The following EXOC2 variants were observed in gnomAD, a reference collection of about 807,000 sequenced individuals.
The protein encoded by EXOC2 is SEC5-like 1.
A neutral mutation model predicts 131.8 loss-of-function variants in EXOC2; 70 were observed. The observed-to-expected ratio is 0.53, with a 90% CI of 0.44 to 0.65. EXOC2 has a LOEUF of 0.65. Ranked by LOEUF, EXOC2 falls within the 30% of genes least tolerant of loss-of-function variation. The pLI, the probability that EXOC2 is intolerant of heterozygous loss-of-function variation, is 0.00. For synonymous variants in EXOC2, 411 were observed against 398.4 expected (o/e 1.03, Z -0.38); for missense variants, 923 against 1,108.6 (o/e 0.83, Z 2.38).
At position 506,813 on chromosome 6, in the gene EXOC2, G is replaced by A. The variant is rs547218603; in HGVS notation, c.2381-7113C>T. Among the ~76,000 whole-genome samples, 2 of 152,020 alleles carry A rather than the reference G, an allele frequency of 1.3e-5. No individual in the cohort carries two copies. Among genetic ancestry groups the A allele is most frequent in the African/African-American group, 2.4e-5 (1 of 41,364 alleles). ...GTAACCCAGCATATTCTCCAGCAAC[G>A]AAGATCTTGTTTTCATGCATCAAAA... On this transcript the variant is annotated intron_variant, in intron 23 of 27. Transcript: ENST00000230449. This position sits in a 1 kb window ranked among gnomAD's most constrained non-coding sequence, Gnocchi z 4.4.
At chr6:491,626 C>G (rs1174544113) in intron 25 of EXOC2, among the ~76,000 whole-genome samples, 1 of 152,246 alleles carries the variant, frequency 6.6e-6, no homozygotes, top group Non-Finnish European at 1.5e-5. Context: ...AGGCACACTG[C>G]CTTAATCTCA....
At chr6:652,071 AC>A (rs1266313583) in intron 1 of EXOC2, among the ~76,000 whole-genome samples, 2 of 151,808 alleles carry the variant, frequency 1.3e-5, no homozygotes, top group African/African-American at 2.4e-5. Flanking sequence ...AAAAAAAAAA[AC>A]TTCACAAACA....
rs1581637940 is a variant in EXOC2 at position 656,012 on chromosome 6, A to G, written c.-43-18151T>C. ...ACAAAATATACGCCCTGCATAAGTC[A>G]GTGAAGGTCCAAATTTTCAACCCAA... On this transcript the variant is annotated intron_variant, in intron 1 of 27. Coordinates refer to ENST00000230449, the MANE Select transcript of EXOC2 (RefSeq NM_018303.6). 3.5e-6 allele frequency: 3 copies of G among 864,762 alleles called. No homozygotes were observed. The East Asian group carries it at 7.3e-5, about 21-fold the overall frequency. 53.6% of individuals were successfully genotyped at this position (864,762 alleles called of 1,614,324 possible). A position where few individuals can be genotyped will look rare whatever the true frequency, so the allele number is the denominator to read the frequency against.
At chr6:492,733 G>A (rs1763511263) in intron 25 of EXOC2, among the ~76,000 whole-genome samples, 1 of 152,190 alleles carries the variant, frequency 6.6e-6, no homozygotes, top group South Asian at 2.1e-4. Flanking sequence ...GTAGTTGTCT[G>A]TAGGGGGAAA....
chr6:571,326 T>C (rs1758264975), intron 13 of EXOC2, among the ~76,000 whole-genome samples: 2 of 152,232 alleles, frequency 1.3e-5, no homozygotes, highest in Admixed American at 1.3e-4. Flanking sequence ...ACTAAGGAGT[T>C]TGTGTTCATG....
intron 1 of EXOC2, among the ~76,000 whole-genome samples, chr6:648,070 C>T (rs1762660855): frequency 6.6e-6 from 1 of 152,160 alleles, no homozygotes; most frequent in African/African-American, 2.4e-5. Context: ...GACCATTATG[C>T]CAGGAAGACC....
intron 11 of EXOC2, among the ~76,000 whole-genome samples, chr6:586,775 G>A (rs980988456): frequency 6.6e-6 from 1 of 151,318 alleles, no homozygotes; most frequent in Non-Finnish European, 1.5e-5. Flanking sequence ...GAGGGGGAGT[G>A]ACCTGGACAC....
intron 22 of EXOC2, among the ~76,000 whole-genome samples, chr6:538,166 G>A (rs762050310): frequency 6.6e-6 from 1 of 152,220 alleles, no homozygotes; most frequent in Non-Finnish European, 1.5e-5. Flanking sequence ...AATGTGTGAT[G>A]AGGCAGGATC....
chr6:564,406 T>A (rs1414414087), intron 15 of EXOC2, 139 bp downstream of exon 15: 4 of 1,262,974 alleles, frequency 3.2e-6, no homozygotes, highest in Admixed American at 2.1e-5. Flanking sequence ...AGCTGTCAGA[T>A]GATGAACAGG....
At chr6:613,028 C>T (rs545698347) in intron 6 of EXOC2, among the ~76,000 whole-genome samples, 1 of 152,258 alleles carries the variant, frequency 6.6e-6, no homozygotes, top group South Asian at 2.1e-4. Flanking sequence ...TTTCACACTA[C>T]AAACAGCTCC....
chr6:525,520 C>T (rs890556188), intron 23 of EXOC2: 2 of 152,142 alleles, frequency 1.3e-5, no homozygotes, highest in African/African-American at 2.4e-5. Flanking sequence ...ACCATGTATG[C>T]CATTTCTCTA....
intron 1 of EXOC2, among the ~76,000 whole-genome samples, chr6:691,293 T>C (rs1260924463): frequency 6.6e-6 from 1 of 152,226 alleles, no homozygotes; most frequent in Non-Finnish European, 1.5e-5. Context: ...CAACATGGGT[T>C]TGAATGAGAC....
At position 666,804 on chromosome 6, in the gene EXOC2, C is replaced by T. The variant is rs1255702087; in HGVS notation, c.-44+26215G>A. The stretch of plus-strand genomic sequence containing the variant: ...ATGTATCCAACATTACAGTATCATA[C>T]TGAATACTTTCACTGCCTTAAAAGT... On this transcript the variant is annotated intron_variant, in intron 1 of 27. Transcript: ENST00000230449. Among the ~76,000 whole-genome samples, 2 of 97,242 alleles carry T rather than the reference C, an allele frequency of 2.1e-5. 1 individual carries two copies. Among genetic ancestry groups the T allele is most frequent in the Non-Finnish European group, 4.9e-5 (2 of 41,028 alleles). The allele number at this position is 97,242 out of a possible 152,430, so 63.8% of individuals were successfully genotyped here.
At chr6:653,263 T>C (rs971478835) in intron 1 of EXOC2, among the ~76,000 whole-genome samples, 7 of 152,212 alleles carry the variant, frequency 4.6e-5, no homozygotes, top group African/African-American at 1.4e-4. Flanking sequence ...AATCAAAAGC[T>C]AGAAATAATT....
chr6:550,391 A>G (rs750245450), intron 21 of EXOC2, among the ~76,000 whole-genome samples: 2 of 152,214 alleles, frequency 1.3e-5, no homozygotes, highest in Non-Finnish European at 2.9e-5. Flanking sequence ...GCAGTTTCCA[A>G]AAACTTTCTA....
At chr6:584,970 G>A (rs1195890373) in intron 11 of EXOC2, among the ~76,000 whole-genome samples, 1 of 152,154 alleles carries the variant, frequency 6.6e-6, no homozygotes, top group Non-Finnish European at 1.5e-5. Flanking sequence ...GTCAGTAGGG[G>A]GTTAACCAAA....
At position 559,509 on chromosome 6, in the gene EXOC2, A is replaced by C. The variant is rs114349036; in HGVS notation, c.1852-2945T>G. Reference sequence around the variant, plus strand: ...GCTAGACAATGTCTTGGCTGACTCCAGACGTGCTATTTCCTAGGGCTCATT... The same window carrying C: ...GCTAGACAATGTCTTGGCTGACTCCCGACGTGCTATTTCCTAGGGCTCATT... On this transcript the variant is annotated intron_variant, in intron 17 of 27. Coordinates refer to ENST00000230449, the MANE Select transcript of EXOC2 (RefSeq NM_018303.6). 6.9e-3 allele frequency among the ~76,000 whole-genome samples: 1,048 copies of C among 152,342 alleles called. 15 individuals carry two copies. The highest frequency in any genetic ancestry group is 0.023 in the African/African-American group (954 of 41,576).
At chr6:517,487 C>T (rs1347927048) in intron 23 of EXOC2, among the ~76,000 whole-genome samples, 1 of 152,314 alleles carries the variant, frequency 6.6e-6, no homozygotes, top group South Asian at 2.1e-4. Context: ...AAACTGCTAA[C>T]TAATCAGGCA....
intron 27 of EXOC2, among the ~76,000 whole-genome samples, 189 bp from the exon 28 acceptor site, chr6:486,953 T>A (rs4072107): frequency 0.58 from 88,915 of 152,148 alleles, 30,190 homozygotes; most frequent in Non-Finnish European, 0.74. Flanking sequence ...AAATAGGATA[T>A]ACTGATAACG....
Sources: allele counts gnomAD v4.1 joint callset (sites outside exome capture counted in the v4.1 genomes callset), GRCh38; gene constraint gnomAD v4.1.1; non-coding constraint Gnocchi (gnomAD v3.1); transcripts MANE v1.5; gene names NCBI Gene and HGNC (gene_info 2026-07-23, HGNC 2026-07-21).